The following TSGA10 variants were observed in gnomAD, a reference collection of about 807,000 sequenced individuals.
TSGA10 encodes the protein testis specific 10, also known as testis-specific gene 10 protein.
A neutral mutation model predicts 96.6 loss-of-function variants in TSGA10; 43 were observed. That is an observed-to-expected ratio of 0.44 (90% CI 0.35 to 0.57). The LOEUF (loss-of-function observed/expected upper bound fraction) is 0.57, where lower values mean the gene tolerates loss of function less well. Among genes scored for constraint, TSGA10 ranks in the 20% least tolerant of loss-of-function variants. The pLI, the probability that TSGA10 is intolerant of heterozygous loss-of-function variation, is 0.01. For missense variants in TSGA10, 703 were observed against 834.4 expected, an observed-to-expected ratio of 0.84 and a Z score of 1.94; for synonymous variants, 229 against 269.9, an observed-to-expected ratio of 0.85 and a Z score of 1.48.
At chr2:99,053,550 C>A (rs2104377352) in intron 16 of TSGA10, among the ~76,000 whole-genome samples, 1 of 152,076 alleles carries the variant, frequency 6.6e-6, no homozygotes, top group African/African-American at 2.4e-5. Flanking sequence ...TGCATTTGAC[C>A]AACTTCAACG....
rs1559128372 is a variant in TSGA10, at chr2:99,136,021, A to AAAAAAAAC, written c.-620-8846_-620-8845insGTTTTTTT. On this transcript the variant is annotated intron_variant, in intron 1 of 20. Coordinates refer to ENST00000393483, the MANE Select transcript of TSGA10 (RefSeq NM_025244.4). ...CGAGACTTCGTACCAAAAAAAAAAA[A>AAAAAAAAC]GGGTCTGCATCATAGAGTTGCGTGA... Among the ~76,000 whole-genome samples the AAAAAAAAC allele has an allele frequency of 1.1e-4, 16 of 148,390 alleles. 2 individuals are homozygous for AAAAAAAAC. The highest frequency in any genetic ancestry group is 4.0e-4 in the East Asian group (2 of 4,986).
At chr2:99,153,501 G>C (rs188245349) in intron 1 of TSGA10, among the ~76,000 whole-genome samples, 10 of 152,236 alleles carry the variant, frequency 6.6e-5, no homozygotes, top group Admixed American at 5.2e-4. Context: ...ATAACCAAGG[G>C]ACAGAAGTCC....
At chr2:99,109,714 C>T (rs916366436) in intron 5 of TSGA10, among the ~76,000 whole-genome samples, 12 of 151,980 alleles carry the variant, frequency 7.9e-5, no homozygotes, top group African/African-American at 2.9e-4. Context: ...TTTTAAAAAG[C>T]AGTTAGATAT....
chr2:99,103,917 G>A, intron 10 of TSGA10, 50 bp downstream of exon 10: 1 of 1,578,370 alleles, frequency 6.3e-7, no homozygotes. Context: ...ATAAAAAGCA[G>A]AGCTATAGTT....
chr2:99,091,510 T>C (rs2089330549), intron 10 of TSGA10, among the ~76,000 whole-genome samples: 1 of 152,112 alleles, frequency 6.6e-6, no homozygotes, highest in African/African-American at 2.4e-5. Flanking sequence ...AGATACAGAA[T>C]GGCAGAATTG....
chr2:99,014,603 C>T (rs1433754639), intron 20 of TSGA10, among the ~76,000 whole-genome samples: 9 of 151,884 alleles, frequency 5.9e-5, no homozygotes, highest in Non-Finnish European at 1.3e-4. Context: ...AAGAACAAAC[C>T]AAACCTAAAC....
At chr2:99,124,260 T>C (rs1324123641) in intron 2 of TSGA10, among the ~76,000 whole-genome samples, 1 of 152,260 alleles carries the variant, frequency 6.6e-6, no homozygotes, top group Admixed American at 6.5e-5. Flanking sequence ...GACATTTGTA[T>C]ATCTTCTTTG....
At chr2:99,067,863 G>A (rs2085449654) in intron 15 of TSGA10, among the ~76,000 whole-genome samples, 1 of 151,596 alleles carries the variant, frequency 6.6e-6, no homozygotes, top group African/African-American at 2.4e-5. Context: ...AAAAAGTGTT[G>A]CTCTGGATAT....
intron 11 of TSGA10, among the ~76,000 whole-genome samples, chr2:99,080,956 ACT>A (rs1449893079): frequency 6.6e-6 from 1 of 152,210 alleles, no homozygotes; most frequent in Non-Finnish European, 1.5e-5. Flanking sequence ...ATATATAGGT[ACT>A]GTTTCATTAC....
intron 14 of TSGA10, among the ~76,000 whole-genome samples, chr2:99,070,280 A>G (rs1056358946): frequency 9.2e-5 from 14 of 152,244 alleles, no homozygotes; most frequent in Admixed American, 6.5e-4. Flanking sequence ...CTCACTTATT[A>G]ACCATTTTTA....
intron 17 of TSGA10, among the ~76,000 whole-genome samples, chr2:99,033,776 GC>G (rs1411274587): frequency 1.3e-5 from 2 of 152,048 alleles, no homozygotes; most frequent in African/African-American, 4.8e-5. Flanking sequence ...GGAGGCGGAG[GC>G]TGCAGTGAGC....
intron 17 of TSGA10, among the ~76,000 whole-genome samples, chr2:99,020,749 C>T (rs2079919790): frequency 6.6e-6 from 1 of 151,730 alleles, no homozygotes; most frequent in African/African-American, 2.4e-5. Context: ...TTTCTACTAC[C>T]AGCTTTGATA....
intron 2 of TSGA10, among the ~76,000 whole-genome samples, chr2:99,122,915 T>C (rs185369507): frequency 2.6e-5 from 4 of 152,322 alleles, no homozygotes; most frequent in Non-Finnish European, 2.9e-5. Flanking sequence ...GTTAGAGAAA[T>C]ACTTTTAGCT....
chr2:99,038,148 C>T (rs972597766), intron 16 of TSGA10, among the ~76,000 whole-genome samples: 1 of 151,890 alleles, frequency 6.6e-6, no homozygotes, highest in Non-Finnish European at 1.5e-5. Flanking sequence ...GAACTGCTGA[C>T]AGGAGTTCTA....
intron 10 of TSGA10, among the ~76,000 whole-genome samples, chr2:99,096,499 C>G (rs1367092411): frequency 6.6e-6 from 1 of 152,180 alleles, no homozygotes; most frequent in East Asian, 1.9e-4. Context: ...ATTAGTTTCC[C>G]TGGCTGCATA....
chr2:99,034,696 T>C (rs541333979), intron 17 of TSGA10, among the ~76,000 whole-genome samples: 1 of 152,308 alleles, frequency 6.6e-6, no homozygotes, highest in East Asian at 1.9e-4. Context: ...CTGGGCTGAA[T>C]AGAAATTTCC....
chr2:99,007,155 G>C (rs1265284499), intron 20 of TSGA10, among the ~76,000 whole-genome samples: 2 of 152,070 alleles, frequency 1.3e-5, no homozygotes, highest in Non-Finnish European at 2.9e-5. Flanking sequence ...GGTGGGAGGA[G>C]GGGGGAGGGA....
chr2:99,040,571 G>A (rs2082092121), intron 16 of TSGA10, among the ~76,000 whole-genome samples: 1 of 151,990 alleles, frequency 6.6e-6, no homozygotes, highest in Non-Finnish European at 1.5e-5. Flanking sequence ...GGAGGTGAAA[G>A]AGCTCTACAA....
At chr2:99,084,050 T>C (rs1390876005) in intron 10 of TSGA10, among the ~76,000 whole-genome samples, 1 of 152,202 alleles carries the variant, frequency 6.6e-6, no homozygotes, top group Non-Finnish European at 1.5e-5. Context: ...TATCTGTATA[T>C]TTTTGTAACT....
Sources: allele counts gnomAD v4.1 joint callset (sites outside exome capture counted in the v4.1 genomes callset), GRCh38; gene constraint gnomAD v4.1.1; transcripts MANE v1.5; gene names NCBI Gene and HGNC (gene_info 2026-07-23, HGNC 2026-07-21).